COL6A3: variants seen among roughly 807,000 people sequenced by gnomAD.
The protein encoded by COL6A3 is collagen type VI alpha 3 chain.
COL6A3 carries 137 observed loss-of-function variants against 274.1 expected under a neutral mutation model. The observed-to-expected ratio is 0.50, with a 90% CI of 0.44 to 0.58. The LOEUF (loss-of-function observed/expected upper bound fraction) is 0.58. COL6A3 is among the 20% of genes least tolerant of loss of function. The pLI, the probability that COL6A3 is intolerant of heterozygous loss-of-function variation, is 0.00. For missense variants in COL6A3, 3,950 were observed against 4,124.9 expected, an observed-to-expected ratio of 0.96 and a Z score of 1.16; for synonymous variants, 1,650 against 1,650.6, an observed-to-expected ratio of 1.00 and a Z score of 0.01.
chr2:237,324,841 G>A, intron 43 of COL6A3, 27 bp from the exon 44 acceptor site: 1 of 1,611,716 alleles, frequency 6.2e-7, no homozygotes, highest in Non-Finnish European at 8.5e-7. Context: ...GGGGTGGGTG[G>A]GGTGAGGTGA....
At chr2:237,379,351 G>A (rs147646048) in intron 5 of COL6A3, 116 bp from the exon 6 acceptor site, 8 of 1,258,074 alleles carry the variant, frequency 6.4e-6, no homozygotes, top group African/African-American at 1.5e-5. Flanking sequence ...AAGTCAGCAT[G>A]GCAAAGCATG....
At chr2:237,343,676 TGTG>T (rs2077040596) in intron 36 of COL6A3, 1 of 155,262 alleles carries the variant, frequency 6.4e-6, no homozygotes, top group African/African-American at 2.5e-5. Context: ...TGCACAGTGG[TGTG>T]GTGTAGATTG....
At chr2:237,357,537 A>G in intron 22 of COL6A3, 146 bp from the exon 23 acceptor site, 1 of 855,510 alleles carries the variant, frequency 1.2e-6, no homozygotes. Context: ...TGCAGGATGC[A>G]CCGGACTTCA....
rs368190978 is a variant in COL6A3 at position 237,358,473 on chromosome 2, C to T, written c.6471+48G>A. 2.9e-5 allele frequency: 43 copies of T among 1,488,540 alleles called. No homozygotes were observed. In the East Asian group the frequency reaches 9.2e-4, roughly 32 times the overall value. The allele number at this position is 1,488,540 out of a possible 1,614,324, so 92.2% of individuals were successfully genotyped here. On this transcript the variant is annotated intron_variant, in intron 21 of 43. Coordinates refer to ENST00000295550, the MANE Select transcript of COL6A3 (RefSeq NM_004369.4). ...CCTTTCATCCCCCTTTCCCAACAAC[C>T]CTCTTCCCCAGGCTCAGGTCTGAAA...
intron 3 of COL6A3, among the ~76,000 whole-genome samples, chr2:237,391,425 TA>T (rs1412905798): frequency 6.6e-6 from 1 of 152,240 alleles, no homozygotes; most frequent in Non-Finnish European, 1.5e-5. Context: ...TGGTTAAACA[TA>T]AAGGCAAACT....
In COL6A3 at chr2:237,333,442, C is replaced by T; in HGVS notation, c.9328+8G>A. The T allele has an allele frequency of 6.2e-7, 1 of 1,612,164 alleles. No homozygotes were observed. The highest frequency in any genetic ancestry group is 1.1e-5 in the South Asian group (1 of 91,040). On this transcript the variant is annotated splice_region_variant and intron_variant, in intron 42 of 43. Transcript: ENST00000295550. ...GCCATTAATGGACCTAATAGTTTCACAACTCACCTGTTTCAGTGAGAGCCA... is the reference window on the plus strand; with the variant it reads ...GCCATTAATGGACCTAATAGTTTCATAACTCACCTGTTTCAGTGAGAGCCA...
intron 42 of COL6A3, chr2:237,333,009 C>T (rs893809137): frequency 3.6e-6 from 1 of 275,692 alleles, no homozygotes; most frequent in African/African-American, 2.2e-5. Flanking sequence ...CGGACCAGAA[C>T]ACCCCATGGG....
At chr2:237,376,136 C>T (rs1211704170) in intron 7 of COL6A3, among the ~76,000 whole-genome samples, 1 of 152,184 alleles carries the variant, frequency 6.6e-6, no homozygotes, top group Non-Finnish European at 1.5e-5. Context: ...CATCCCAAGC[C>T]AACGGCCAAT....
intron 29 of COL6A3, 21 bp downstream of exon 29, chr2:237,348,592 T>C (rs756301196): frequency 2.0e-5 from 32 of 1,612,024 alleles, no homozygotes; most frequent in Non-Finnish European, 2.5e-5. Flanking sequence ...GACGCTTGGA[T>C]AATCCTCAGC....
chr2:237,399,212 A>T (rs554995507), intron 1 of COL6A3, among the ~76,000 whole-genome samples: 1 of 152,180 alleles, frequency 6.6e-6, no homozygotes, highest in Non-Finnish European at 1.5e-5. Flanking sequence ...GCTTTTTAGG[A>T]ATCAGAAAAG....
chr2:237,354,752 T>C, intron 24 of COL6A3, 147 bp downstream of exon 24: 1 of 698,980 alleles, frequency 1.4e-6, no homozygotes. Flanking sequence ...GGGCATGTCT[T>C]TAACCTTGGC....
chr2:237,350,000 G>A (rs888439006), intron 28 of COL6A3, 147 bp downstream of exon 28: 34 of 821,314 alleles, frequency 4.1e-5, no homozygotes, highest in African/African-American at 6.8e-5. Context: ...TTAATTTGCC[G>A]CAGATGAGCA....
rs1559254816 is a variant in COL6A3, at chr2:237,377,057, CA to C, written c.2784del (p.Phe928LeufsTer2). 6.2e-7 allele frequency: 1 copy of C among 1,614,230 alleles called. No individual in the cohort carries two copies. The part of the protein sequence containing the change: ...YALDYAQRYI[F>X]VKSAGSRIED... ...TCGATCCGGCTGCCAGCAGACTTCA[CA>C]AAAATGTACCTCTGTGCATAGTCCA... is the stretch of plus-strand genomic sequence containing the variant. On this transcript the variant is annotated frameshift_variant, in exon 7 of 44. Coordinates refer to ENST00000295550, the MANE Select transcript of COL6A3 (RefSeq NM_004369.4). LOFTEE classifies it high-confidence loss of function.
At chr2:237,347,255 C>T (rs528652386) in intron 31 of COL6A3, among the ~76,000 whole-genome samples, 1 of 152,158 alleles carries the variant, frequency 6.6e-6, no homozygotes, top group Admixed American at 6.5e-5. Flanking sequence ...GCCCAGATGA[C>T]AGACTGAGAC....
chr2:237,325,903 G>C, intron 42 of COL6A3, 179 bp from the exon 43 acceptor site: 1 of 579,104 alleles, frequency 1.7e-6, no homozygotes, highest in Non-Finnish European at 3.0e-6. Flanking sequence ...TATGGACATA[G>C]GAATTGCTTA....
chr2:237,360,154 C>T lies in COL6A3; in HGVS notation c.6216G>A (p.Glu2072=). 4 of 1,614,176 alleles carry T rather than the reference C, an allele frequency of 2.5e-6. No individual in the cohort carries two copies. The South Asian group carries it at 4.4e-5, about 18-fold the overall frequency. ...GYPGDEGGPG[E]RGPPGVNGTQ... is the part of the protein sequence containing the mutation. ...TGCCGTTCACACCAGGCGGACCACG[C>T]TCACCCTGTTGTGAGAGACAAAGGC... The change falls in exon 17 of 44, where the codon GAG becomes GAA. Residue 2072 remains glutamate, a synonymous_variant. Transcript: ENST00000295550.
intron 31 of COL6A3, among the ~76,000 whole-genome samples, chr2:237,347,185 G>A (rs189145660): frequency 2.4e-4 from 37 of 152,092 alleles, no homozygotes; most frequent in African/African-American, 8.9e-4. Flanking sequence ...TGAGGTGGGA[G>A]GATCGCTTGA....
Position 237,324,714 on chromosome 2 carries a change from C to T in COL6A3, c.*60G>A. On this transcript the variant is annotated 3_prime_UTR_variant, in exon 44 of 44. Transcript: ENST00000295550. ...TCTACACCCGGAGCTTCTACAGAGA[C>T]AAGTTGGCGATGGCTGACTCCTTCT... 1 of 1,538,138 alleles carries T rather than the reference C, an allele frequency of 6.5e-7. No homozygotes were observed. The highest frequency in any genetic ancestry group is 9.0e-7 in the Non-Finnish European group (1 of 1,111,550).
At chr2:237,397,471 G>C (rs1475701149) in intron 1 of COL6A3, among the ~76,000 whole-genome samples, 1 of 146,734 alleles carries the variant, frequency 6.8e-6, no homozygotes, top group Non-Finnish European at 1.5e-5. Context: ...GAGAGAGGGA[G>C]GGAGGGAGGG....
Sources: allele counts gnomAD v4.1 joint callset (sites outside exome capture counted in the v4.1 genomes callset), GRCh38; gene constraint gnomAD v4.1.1; transcripts MANE v1.5; gene names NCBI Gene and HGNC (gene_info 2026-07-23, HGNC 2026-07-21).